The following NRAP variants were observed in gnomAD, a reference collection of about 807,000 sequenced individuals.
NRAP encodes nebulin-related-anchoring protein.
In NRAP, 189 loss-of-function variants were observed where a neutral mutation model predicts 225.9. That is an observed-to-expected ratio of 0.84 (90% CI 0.74 to 0.94). NRAP has a LOEUF of 0.94. Ranked by LOEUF, NRAP falls within the 40% of genes least tolerant of loss-of-function variation. NRAP has a pLI of 0.00. For synonymous variants in NRAP, 769 were observed against 790.7 expected (o/e 0.97, Z 0.46); for missense variants, 2,176 against 2,168.7 (o/e 1.00, Z -0.07).
chr10:113,649,331 T>C (rs1849791705), intron 9 of NRAP, among the ~76,000 whole-genome samples: 3 of 152,206 alleles, frequency 2.0e-5, no homozygotes, highest in African/African-American at 4.8e-5. Flanking sequence ...TGTCCAATTA[T>C]GAATAAAAAT....
At chr10:113,616,125 G>T (rs916274189) in intron 26 of NRAP, among the ~76,000 whole-genome samples, 11 of 152,286 alleles carry the variant, frequency 7.2e-5, no homozygotes, top group African/African-American at 2.4e-4. Context: ...GTAATAATTT[G>T]GTGATTAACT....
At chr10:113,642,415 T>C (rs1849255668) in intron 12 of NRAP, among the ~76,000 whole-genome samples, 1 of 152,186 alleles carries the variant, frequency 6.6e-6, no homozygotes, top group African/African-American at 2.4e-5. Context: ...AAGTAAAGCA[T>C]ACTATCTAGT....
chr10:113,647,507 G>C (rs529018415), intron 9 of NRAP, among the ~76,000 whole-genome samples: 223 of 149,814 alleles, frequency 1.5e-3, no homozygotes, highest in Non-Finnish European at 2.5e-3. Context: ...GCCTCCCCAA[G>C]TGGTACTGTC....
chr10:113,614,755 C>T, intron 28 of NRAP, 84 bp downstream of exon 28: 1 of 815,146 alleles, frequency 1.2e-6, no homozygotes, highest in South Asian at 1.4e-5. Flanking sequence ...TATCCACAGG[C>T]AAAAGAAGGC....
At chr10:113,634,945 G>T (rs1048271749) in intron 14 of NRAP, among the ~76,000 whole-genome samples, 1 of 152,076 alleles carries the variant, frequency 6.6e-6, no homozygotes, top group Non-Finnish European at 1.5e-5. Context: ...ACCAGCCCCT[G>T]CCTGGCCCTC....
Position 113,606,273 on chromosome 10 carries a change from T to A in NRAP, c.3712A>T (p.Lys1238Ter), listed in dbSNP as rs1286190173. ...TGTCTTGCATCCTCTCCAGCTGCTT[T>A]ATAGAGGCGCTAGGCCAAAAAAATA... ...SNQITNERLY[K>*]AAGEDARHEY... The change falls in exon 33 of 42, where the codon AAA becomes TAA. Residue 1238 changes from lysine to a stop codon, truncating the protein, a stop_gained. Transcript: ENST00000359988. LOFTEE classifies it high-confidence loss of function. 2 of 1,611,950 alleles carry A rather than the reference T, an allele frequency of 1.2e-6. No individual in the cohort carries two copies. The highest frequency in any genetic ancestry group is 3.3e-5 in the Admixed American group (2 of 59,996).
At chr10:113,618,782 C>T (rs1243778608) in intron 25 of NRAP, among the ~76,000 whole-genome samples, 5 of 152,116 alleles carry the variant, frequency 3.3e-5, no homozygotes, top group Non-Finnish European at 7.4e-5. Context: ...CCCGTCTCTA[C>T]TAAAAATACA....
chr10:113,597,894 C>T (rs1846373252), intron 36 of NRAP, 75 bp downstream of exon 36: 2 of 1,107,240 alleles, frequency 1.8e-6, no homozygotes, highest in Admixed American at 1.7e-5. Context: ...TTCTCCACTC[C>T]ATAAACAGAT....
At chr10:113,630,966 C>T (rs1248770471) in intron 18 of NRAP, among the ~76,000 whole-genome samples, 1 of 152,116 alleles carries the variant, frequency 6.6e-6, no homozygotes, top group African/African-American at 2.4e-5. Context: ...CTCTCCTTTC[C>T]CAAAGCCTCT....
intron 19 of NRAP, among the ~76,000 whole-genome samples, chr10:113,629,236 C>T (rs1338750382): frequency 2.0e-5 from 3 of 152,200 alleles, no homozygotes; most frequent in Non-Finnish European, 4.4e-5. Flanking sequence ...GCTGAGACAC[C>T]GCAACCTTAG....
At chr10:113,649,852 G>A (rs948729776) in intron 9 of NRAP, among the ~76,000 whole-genome samples, 185 bp downstream of exon 9, 2 of 152,152 alleles carry the variant, frequency 1.3e-5, no homozygotes, top group African/African-American at 4.8e-5. Context: ...GTTTTCCTAA[G>A]TGGGTCAAGT....
At chr10:113,608,929 C>T (rs1041192830) in intron 31 of NRAP, among the ~76,000 whole-genome samples, 8 of 152,132 alleles carry the variant, frequency 5.3e-5, no homozygotes, top group Admixed American at 2.0e-4. Flanking sequence ...GAGGCCAAGG[C>T]GGTGGGATCC....
chr10:113,645,419 T>A (rs1592846408), intron 11 of NRAP, among the ~76,000 whole-genome samples: 2 of 33,084 alleles, frequency 6.0e-5, no homozygotes, highest in Non-Finnish European at 2.1e-4. Flanking sequence ...TTTTTTGTTG[T>A]TTGTTTGTTT....
intron 37 of NRAP, 42 bp from the exon 38 acceptor site, chr10:113,595,769 G>GTTTCA: frequency 3.0e-6 from 4 of 1,355,550 alleles, no homozygotes; most frequent in Non-Finnish European, 4.2e-6. Context: ...GAACTGTGTG[G>GTTTCA]GCTGAAACCA....
intron 5 of NRAP, 84 bp downstream of exon 5, chr10:113,653,937 G>A (rs779318590): frequency 1.3e-4 from 112 of 848,698 alleles, no homozygotes; most frequent in Non-Finnish European, 3.5e-5. Context: ...TCTGTCTACC[G>A]AAATTGTAAA....
At chr10:113,595,012 C>T (rs1354910333) in intron 38 of NRAP, among the ~76,000 whole-genome samples, 2 of 152,196 alleles carry the variant, frequency 1.3e-5, no homozygotes, top group Non-Finnish European at 1.5e-5. Flanking sequence ...GCCGAGCGGC[C>T]GCCTATTCTA....
rs1564750527 is a variant in NRAP, at chr10:113,645,886, A to G, written c.1049T>C (p.Leu350Pro). 1.2e-6 allele frequency: 2 copies of G among 1,611,348 alleles called. No individual in the cohort carries two copies. The highest frequency in any genetic ancestry group is 1.7e-6 in the Non-Finnish European group (2 of 1,178,442). The change falls in exon 11 of 42, where the codon CTT (leucine) becomes CCT (proline). Residue 350 changes from leucine to proline, a missense_variant. Physicochemically the swap from Leu to Pro is moderately conservative, Grantham distance 98 (BLOSUM62 -3). Transcript: ENST00000359988. ...GAGAACCAAGTTGTCTTGAGCTGGA[A>G]GCGAGTGATAATGTGCAGCGCCTTT... ...KMKGAAHYHS[L>P]PAQDNLVLKQ... is the part of the protein sequence containing the mutation.
At chr10:113,617,322 T>TCTGCAAAGGACAGGGAGCGCCTTC in intron 26 of NRAP, 133 bp downstream of exon 26, 1 of 573,516 alleles carries the variant, frequency 1.7e-6, no homozygotes, top group Non-Finnish European at 3.2e-6. Context: ...TAAGGGAGCC[T>TCTGCAAAGGACAGGGAGCGCCTTC]CTGCAAAGGA....
chr10:113,648,131 C>G (rs532848349), intron 9 of NRAP, among the ~76,000 whole-genome samples: 1 of 152,270 alleles, frequency 6.6e-6, no homozygotes, highest in Admixed American at 6.5e-5. Context: ...ACGACTCCAT[C>G]TCTCTGTGGC....
Sources: gnomAD v4.1 joint callset for allele counts (sites outside exome capture counted in the v4.1 genomes callset) on GRCh38, gnomAD v4.1.1 for gene constraint, MANE v1.5 for transcripts, NCBI Gene and HGNC (gene_info 2026-07-23, HGNC 2026-07-21) for gene names.